Variants in TLE1 observed in about 807,000 individuals in gnomAD.
The protein encoded by TLE1 is transducin-like enhancer protein 1.
TLE1 carries 21 observed loss-of-function variants against 89.8 expected under a neutral mutation model. That is an observed-to-expected ratio of 0.23 (90% CI 0.17 to 0.34). The LOEUF is 0.34. Ranked by LOEUF, TLE1 falls within the 10% of genes least tolerant of loss-of-function variation. The pLI, the probability that TLE1 is intolerant of heterozygous loss-of-function variation, is 1.00. For synonymous variants in TLE1, 447 were observed against 407.6 expected (o/e 1.10, Z -1.16); for missense variants, 795 against 1,031.2 (o/e 0.77, Z 3.14).
intron 4 of TLE1, among the ~76,000 whole-genome samples, chr9:81,669,100 T>C (rs1271876250): frequency 3.3e-5 from 5 of 152,228 alleles, no homozygotes; most frequent in Admixed American, 2.6e-4. Flanking sequence ...TCAATAATGC[T>C]GCACTCCTTC....
intron 4 of TLE1, among the ~76,000 whole-genome samples, chr9:81,674,823 G>A (rs756240767): frequency 3.3e-5 from 5 of 152,086 alleles, no homozygotes; most frequent in African/African-American, 1.2e-4. Flanking sequence ...AGTCTAGGAG[G>A]AAAACCCTAT....
Position 81,597,559 on chromosome 9 carries a change from G to A in TLE1, c.1332-4285C>T, listed in dbSNP as rs576402147. On this transcript the variant is annotated intron_variant, in intron 14 of 19. Coordinates refer to ENST00000376499, the MANE Select transcript of TLE1 (RefSeq NM_005077.5). ...ACTGCAGGGCAGACAGTCAGTCCTG[G>A]ATCCCTCCTTAGGGGCCATACAGCG... 5.9e-5 allele frequency among the ~76,000 whole-genome samples: 9 copies of A among 152,236 alleles called. No homozygotes were observed. The South Asian group carries it at 1.5e-3, about 25-fold the overall frequency.
intron 4 of TLE1, among the ~76,000 whole-genome samples, chr9:81,663,880 T>C (rs1831140098): frequency 6.6e-6 from 1 of 151,898 alleles, no homozygotes; most frequent in Admixed American, 6.6e-5. Flanking sequence ...CACCTCAGCC[T>C]CCCAAAGTGC....
At chr9:81,679,994 A>T (rs1833400239) in intron 4 of TLE1, among the ~76,000 whole-genome samples, 1 of 151,972 alleles carries the variant, frequency 6.6e-6, no homozygotes, top group East Asian at 1.9e-4. Context: ...TACTAAAGAA[A>T]CAGATTTTCT....
intron 11 of TLE1, among the ~76,000 whole-genome samples, chr9:81,614,393 C>G (rs1473882516): frequency 6.6e-6 from 1 of 152,140 alleles, no homozygotes; most frequent in Non-Finnish European, 1.5e-5. Flanking sequence ...GTGGACCCAC[C>G]AGTGCAGATC....
In TLE1 at chr9:81,685,738, A is replaced by T. The variant is rs971261168; in HGVS notation, c.190-18T>A. 1 of 1,613,084 alleles carries T rather than the reference A, an allele frequency of 6.2e-7. No homozygotes were observed. Among genetic ancestry groups the T allele is most frequent in the African/African-American group, 1.3e-5 (1 of 75,006 alleles). On this transcript the variant is annotated intron_variant, in intron 3 of 19. Transcript: ENST00000376499. The stretch of plus-strand genomic sequence containing the variant: ...TCATAATACTGTAAAGAGAAAAAAG[A>T]ATCAAGCATTTCATTAACTCATGTT...
intron 4 of TLE1, among the ~76,000 whole-genome samples, chr9:81,661,436 T>C (rs1564046329): frequency 6.6e-6 from 1 of 151,974 alleles, no homozygotes; most frequent in African/African-American, 2.4e-5. Context: ...TTAAGAGTAA[T>C]TGCCCATGGG....
intron 12 of TLE1, 73 bp from the exon 13 acceptor site, chr9:81,612,032 A>C: frequency 8.3e-7 from 1 of 1,204,282 alleles, no homozygotes; most frequent in Non-Finnish European, 1.1e-6. Context: ...GTCTGGCCTC[A>C]TCATTTGTTA....
chr9:81,675,812 T>C (rs1832835651), intron 4 of TLE1, among the ~76,000 whole-genome samples: 2 of 151,624 alleles, frequency 1.3e-5, no homozygotes, highest in South Asian at 2.1e-4. Context: ...GTGATTTTCC[T>C]GCCTCAGCCT....
chr9:81,611,991 A>G lies in TLE1; in HGVS notation c.1064-32T>C, dbSNP rs755173333. 5.0e-6 allele frequency: 7 copies of G among 1,409,942 alleles called. No individual in the cohort carries two copies. The South Asian group carries it at 8.6e-5, about 17-fold the overall frequency. The allele number at this position is 1,409,942 out of a possible 1,614,324, so 87.3% of individuals were successfully genotyped here. A position where few individuals can be genotyped will look rare whatever the true frequency, so the allele number is the denominator to read the frequency against. On this transcript the variant is annotated intron_variant, in intron 12 of 19. Coordinates refer to ENST00000376499, the MANE Select transcript of TLE1 (RefSeq NM_005077.5). ...GGAAACACAAGCCGCACATCATTCA[A>G]CTGACCCACTCCATCAAACCTGACC... is the stretch of plus-strand genomic sequence containing the variant.
chr9:81,622,068 C>A (rs1825337033), intron 8 of TLE1, among the ~76,000 whole-genome samples: 1 of 152,210 alleles, frequency 6.6e-6, no homozygotes, highest in Non-Finnish European at 1.5e-5. Context: ...AAGCTAACCC[C>A]TCCAACCCAG....
intron 4 of TLE1, among the ~76,000 whole-genome samples, chr9:81,654,325 CTATA>C: frequency 6.6e-6 from 1 of 151,834 alleles, no homozygotes; most frequent in Non-Finnish European, 1.5e-5. Flanking sequence ...AATATGGTGA[CTATA>C]TATATATACA....
intron 4 of TLE1, among the ~76,000 whole-genome samples, chr9:81,655,068 T>C (rs1292855311): frequency 1.3e-5 from 2 of 152,090 alleles, no homozygotes; most frequent in African/African-American, 4.8e-5. Context: ...CGGGCTGTTT[T>C]AAAGAAGGCA....
chr9:81,615,473 G>A (rs1299218633), intron 11 of TLE1, among the ~76,000 whole-genome samples: 1 of 150,630 alleles, frequency 6.6e-6, no homozygotes, highest in African/African-American at 2.5e-5. Flanking sequence ...GCTGAGGCGG[G>A]TGGATCAAAG....
intron 14 of TLE1, among the ~76,000 whole-genome samples, chr9:81,607,960 T>C (rs1831909182): frequency 6.6e-6 from 1 of 152,214 alleles, no homozygotes; most frequent in Non-Finnish European, 1.5e-5. Context: ...ACAGATATTA[T>C]AATATATGAA....
chr9:81,622,999 C>T (rs1404232075), intron 8 of TLE1, among the ~76,000 whole-genome samples: 1 of 152,176 alleles, frequency 6.6e-6, no homozygotes, highest in East Asian at 1.9e-4. Flanking sequence ...TGTATAATTG[C>T]CCCTGACTTC....
At chr9:81,645,744 AAAAATAAAAT>A (rs142767138) in intron 6 of TLE1, among the ~76,000 whole-genome samples, 39,952 of 151,740 alleles carry the variant, frequency 0.26, 5,302 homozygotes, top group Non-Finnish European at 0.28. Context: ...CTGTCTCCAA[AAAAATAAAAT>A]AAAATAAAAT....
In TLE1 at chr9:81,610,281, G is replaced by A; in HGVS notation, c.1270C>T (p.Pro424Ser). The A allele has an allele frequency of 1.2e-6, 2 of 1,613,918 alleles. No individual in the cohort carries two copies. The highest frequency in any genetic ancestry group is 1.7e-6 in the Non-Finnish European group (2 of 1,179,982). The part of the protein sequence containing the change: ...GRSPMVGFDP[P>S]PHMRVPTIPP... ...ATGGTAGGTACTCTCATGTGAGGGG[G>A]AGGATCAAACCCCACCTGGAAACAA... Residue 424 changes from proline (P) to serine (S), a missense_variant, in exon 14 of 20, where the codon CCC (proline) becomes TCC (serine). This residue lies in a region of TLE1 where 468 missense variants were observed against 509.1 expected (regional missense o/e 0.92). Transcript: ENST00000376499.
intron 8 of TLE1, among the ~76,000 whole-genome samples, chr9:81,623,177 T>C (rs1301926161): frequency 6.6e-6 from 1 of 152,120 alleles, no homozygotes; most frequent in Non-Finnish European, 1.5e-5. Flanking sequence ...AAAAGTGACT[T>C]TGTGGGTACT....
Sources: allele counts gnomAD v4.1 joint callset (sites outside exome capture counted in the v4.1 genomes callset), GRCh38; gene constraint gnomAD v4.1.1; regional missense constraint gnomAD v4.1.1; transcripts MANE v1.5; gene names NCBI Gene and HGNC (gene_info 2026-07-23, HGNC 2026-07-21).